Variants in TENM1 observed in about 807,000 individuals in gnomAD.
The protein encoded by TENM1 is teneurin-1.
TENM1 carries 35 observed loss-of-function variants against 174.8 expected under a neutral mutation model. That is an observed-to-expected ratio of 0.20 (90% confidence interval 0.15 to 0.27). The LOEUF is 0.27. TENM1 is among the 10% of genes least tolerant of loss of function. TENM1 has a pLI of 1.00. For synonymous variants in TENM1, 781 were observed against 798.7 expected (o/e 0.98, Z 0.37); for missense variants, 1,633 against 2,130.1 (o/e 0.77, Z 4.59).
chrX:124,630,721 C>T (rs1313348810), intron 11 of TENM1, among the ~76,000 whole-genome samples: 1 of 110,730 alleles, frequency 9.0e-6, no homozygotes, highest in Non-Finnish European at 1.9e-5. Flanking sequence ...TGGGCCTGTG[C>T]AAGATTAGGG....
rs974691662 is a variant in TENM1 at position 124,416,950 on chromosome X, T to C, written c.4982+3361A>G. 1.2e-4 allele frequency among the ~76,000 whole-genome samples: 13 copies of C among 111,923 alleles called. No individual in the cohort carries two copies. In the East Asian group the frequency reaches 3.4e-3, roughly 29 times the overall value. On this transcript the variant is annotated intron_variant, in intron 25 of 31. Coordinates refer to ENST00000422452, the Ensembl canonical transcript of TENM1. The stretch of plus-strand genomic sequence containing the variant: ...TATAAGGACTCAGCAGGCAGTGCCA[T>C]TTTGGAAGCAGAGAGTAGCCCTCAC...
At position 124,481,093 on chromosome X, in the gene TENM1, C is replaced by T. The variant is rs182911173; in HGVS notation, c.3949+639G>A. ...AAATTTAGGACAAATAAAAATAAGGCCAAACTCCCACAGAAGGCAACAGAA... is the reference window on the plus strand; with the variant it reads ...AAATTTAGGACAAATAAAAATAAGGTCAAACTCCCACAGAAGGCAACAGAA... On this transcript the variant is annotated intron_variant, in intron 22 of 31. Coordinates refer to ENST00000422452, the Ensembl canonical transcript of TENM1. Among the ~76,000 whole-genome samples, 13 of 111,622 alleles carry T rather than the reference C, an allele frequency of 1.2e-4. No individual in the cohort carries two copies. In the East Asian group the frequency reaches 3.7e-3, roughly 31 times the overall value.
intron 25 of TENM1, among the ~76,000 whole-genome samples, chrX:124,419,194 T>C (rs1398659965): frequency 8.9e-6 from 1 of 112,559 alleles, no homozygotes; most frequent in Non-Finnish European, 1.9e-5. Flanking sequence ...CCAAAATAGC[T>C]GTCTGGCTCT....
chrX:124,871,823 G>A (rs1483534030), intron 3 of TENM1, among the ~76,000 whole-genome samples: 2 of 110,046 alleles, frequency 1.8e-5, no homozygotes, highest in African/African-American at 6.6e-5. Flanking sequence ...CATGATGTCA[G>A]GAAATCGAGA....
At chrX:124,716,261 C>G (rs1052041017) in intron 4 of TENM1, among the ~76,000 whole-genome samples, 1 of 112,075 alleles carries the variant, frequency 8.9e-6, no homozygotes, top group African/African-American at 3.2e-5. Flanking sequence ...GAGACTGCTT[C>G]TCACCAACAC....
chrX:125,152,206 C>A, the TENM1 span, among the ~76,000 whole-genome samples: 1 of 107,169 alleles, frequency 9.3e-6, no homozygotes, highest in South Asian at 4.1e-4. Flanking sequence ...AGTGAGATTG[C>A]ACCACTGAAC....
chrX:124,857,471 C>G (rs1027889349), intron 3 of TENM1, among the ~76,000 whole-genome samples: 46 of 111,006 alleles, frequency 4.1e-4, no homozygotes, highest in Middle Eastern at 4.7e-3. Flanking sequence ...ACATGCAAAG[C>G]GATAAAAGCC....
chrX:124,807,858 T>C (rs2055647746), intron 3 of TENM1, among the ~76,000 whole-genome samples: 2 of 97,233 alleles, frequency 2.1e-5, no homozygotes, highest in Admixed American at 2.4e-4. Context: ...AATCAAAATA[T>C]ATCACTAGAG....
intron 3 of TENM1, among the ~76,000 whole-genome samples, chrX:124,741,980 T>C (rs1603107444): frequency 8.9e-6 from 1 of 112,267 alleles, no homozygotes; most frequent in Non-Finnish European, 1.9e-5. Context: ...ACGAGCACTG[T>C]AGCAGCACTG....
intron 3 of TENM1, among the ~76,000 whole-genome samples, chrX:124,755,945 G>C (rs1236247318): frequency 9.8e-6 from 1 of 101,633 alleles, no homozygotes; most frequent in Non-Finnish European, 1.9e-5. Flanking sequence ...TTCAACTTTG[G>C]TGAATCTGAC....
the TENM1 span, among the ~76,000 whole-genome samples, chrX:125,061,337 C>T: frequency 3.6e-5 from 4 of 111,582 alleles, no homozygotes; most frequent in African/African-American, 6.5e-5. Context: ...AGCTCATGAC[C>T]GTGCATGCAC....
At chrX:125,035,328 G>A in the TENM1 span, among the ~76,000 whole-genome samples, 474 of 111,709 alleles carry the variant, frequency 4.2e-3, 4 homozygotes, top group African/African-American at 0.014. Flanking sequence ...CCAGAGAAAA[G>A]CAACTGCCAA....
chrX:124,439,826 C>T (rs772577021), intron 23 of TENM1, among the ~76,000 whole-genome samples: 2 of 111,137 alleles, frequency 1.8e-5, no homozygotes, highest in Non-Finnish European at 3.8e-5. Context: ...CTATTGAACG[C>T]TTATGAGCCA....
At chrX:124,867,847 C>T (rs1456780132) in intron 3 of TENM1, among the ~76,000 whole-genome samples, 1 of 112,012 alleles carries the variant, frequency 8.9e-6, no homozygotes, top group Non-Finnish European at 1.9e-5. Context: ...CAACAGTGAA[C>T]ATTCCTAAAT....
At chrX:124,792,812 TATC>T (rs1314776549) in intron 3 of TENM1, among the ~76,000 whole-genome samples, 1 of 112,553 alleles carries the variant, frequency 8.9e-6, no homozygotes, top group African/African-American at 3.2e-5. Flanking sequence ...AACTAGACAA[TATC>T]ATTATTTTTA....
intron 11 of TENM1, 35 bp downstream of exon 14, chrX:124,641,756 G>C (rs760320056): frequency 8.7e-7 from 1 of 1,146,508 alleles, no homozygotes; most frequent in African/African-American, 1.8e-5. Context: ...GAATTTAAGA[G>C]TAGAGGAAGG....
the TENM1 span, among the ~76,000 whole-genome samples, chrX:125,202,904 T>G: frequency 8.9e-6 from 1 of 112,116 alleles, no homozygotes; most frequent in African/African-American, 3.2e-5. Flanking sequence ...GAGGTTACAT[T>G]TCCCCAAGCC....
the TENM1 span, among the ~76,000 whole-genome samples, chrX:124,994,476 C>T: frequency 4.5e-5 from 5 of 110,060 alleles, no homozygotes; most frequent in Admixed American, 4.9e-4. Flanking sequence ...GAGGTCCAAA[C>T]AAGTTAAAAA....
intron 1 of TENM1, among the ~76,000 whole-genome samples, chrX:124,956,343 C>A (rs375159652): frequency 8.9e-6 from 1 of 112,339 alleles, no homozygotes; most frequent in Non-Finnish European, 1.9e-5. Context: ...TACAGATAAG[C>A]AAACCAAAGT....
Sources: allele counts gnomAD v4.1 joint callset (sites outside exome capture counted in the v4.1 genomes callset), GRCh38; gene constraint gnomAD v4.1.1; transcripts MANE v1.5; gene names NCBI Gene and HGNC (gene_info 2026-07-23, HGNC 2026-07-21).